The following GNAT3 variants were observed in gnomAD, a reference collection of about 807,000 sequenced individuals.
GNAT3 encodes guanine nucleotide-binding protein G(t) subunit alpha-3.
A neutral mutation model predicts 37.7 loss-of-function variants in GNAT3; 31 were observed. That is an observed-to-expected ratio of 0.82 (90% confidence interval 0.62 to 1.11). The LOEUF (loss-of-function observed/expected upper bound fraction) is 1.11, where lower values mean the gene tolerates loss of function less well. Among genes scored for constraint, GNAT3 ranks in the 50% most tolerant of loss-of-function variants. The probability of loss-of-function intolerance (pLI) is 0.00; values close to 1 mark genes in which losing one functional copy is unlikely to be tolerated. For missense variants in GNAT3, 437 were observed against 412.5 expected (o/e 1.06, Z -0.51); for synonymous variants, 138 against 139.8 (o/e 0.99, Z 0.09).
intron 1 of GNAT3, among the ~76,000 whole-genome samples, chr7:80,502,176 G>C (rs1790845334): frequency 1.3e-5 from 2 of 152,000 alleles, no homozygotes; most frequent in South Asian, 2.1e-4. Context: ...ATAGGTGACG[G>C]AGAAGTCTAC....
intron 5 of GNAT3, among the ~76,000 whole-genome samples, chr7:80,469,346 T>C (rs1790172688): frequency 9.9e-5 from 15 of 152,162 alleles, no homozygotes; most frequent in Admixed American, 9.8e-4. Flanking sequence ...GGAGAAAGTT[T>C]CTTCTCTATA....
chr7:80,497,503 C>T (rs1330044875), intron 1 of GNAT3, among the ~76,000 whole-genome samples: 1 of 151,220 alleles, frequency 6.6e-6, no homozygotes, highest in Non-Finnish European at 1.5e-5. Context: ...GTACAAATGA[C>T]AGAATATCAG....
At chr7:80,509,831 TTTTAA>T (rs1198717931) in intron 1 of GNAT3, among the ~76,000 whole-genome samples, 4 of 152,070 alleles carry the variant, frequency 2.6e-5, no homozygotes, top group African/African-American at 9.7e-5. Context: ...TTTTGAACAT[TTTTAA>T]TTTATTTTTT....
At chr7:80,495,464 TGG>T (rs1163213830) in intron 1 of GNAT3, among the ~76,000 whole-genome samples, 37 of 147,584 alleles carry the variant, frequency 2.5e-4, no homozygotes, top group African/African-American at 9.3e-4. Flanking sequence ...TTTTTTTTTT[TGG>T]TTTGTTTGTT....
At chr7:80,463,850 T>A (rs1016707630) in intron 5 of GNAT3, among the ~76,000 whole-genome samples, 2 of 147,636 alleles carry the variant, frequency 1.4e-5, no homozygotes, top group Non-Finnish European at 3.0e-5. Flanking sequence ...AACTTACACA[T>A]GTTTTCTATA....
At chr7:80,467,611 T>G (rs1790146941) in intron 5 of GNAT3, among the ~76,000 whole-genome samples, 2 of 152,078 alleles carry the variant, frequency 1.3e-5, no homozygotes, top group African/African-American at 4.8e-5. Context: ...TTACTACCTA[T>G]GAAAACAATT....
rs539041801 is a variant in GNAT3 at position 80,474,262 on chromosome 7, G to T, written c.579C>A (p.Asp193Glu). Residue 193 changes from aspartate to glutamate, a missense_variant, in exon 5 of 8, where the codon GAC (aspartate) becomes GAA (glutamate). Physicochemically the swap from Asp to Glu is conservative, Grantham distance 45. Coordinates refer to ENST00000398291, the MANE Select transcript of GNAT3 (RefSeq NM_001102386.3). ...ATATTTGATCATACCTGAAGTGCAA[G>T]TCTTTAAAGGAGAATTGAGTTTCAA... is the stretch of plus-strand genomic sequence containing the variant. Reference protein sequence around the residue: ...GIIETQFSFKDLHFRMFDVGG... With the variant: ...GIIETQFSFKELHFRMFDVGG... 6.2e-7 allele frequency: 1 copy of T among 1,603,706 alleles called. No homozygotes were observed. The highest frequency in any genetic ancestry group is 1.1e-5 in the South Asian group (1 of 89,236).
intron 3 of GNAT3, among the ~76,000 whole-genome samples, chr7:80,481,158 A>G (rs1199664137): frequency 6.6e-6 from 1 of 152,196 alleles, no homozygotes; most frequent in Non-Finnish European, 1.5e-5. Context: ...TAAAAAAAGA[A>G]AATAACTTAT....
chr7:80,500,853 A>G (rs1446283765), intron 1 of GNAT3, among the ~76,000 whole-genome samples: 3 of 152,040 alleles, frequency 2.0e-5, no homozygotes, highest in Admixed American at 1.3e-4. Flanking sequence ...AGTATTTTAA[A>G]CATGCATTGT....
At chr7:80,462,013 GA>G (rs1252862442) in intron 7 of GNAT3, 145 bp downstream of exon 7, 1 of 606,670 alleles carries the variant, frequency 1.6e-6, no homozygotes, top group Non-Finnish European at 2.8e-6. Flanking sequence ...TTATTTGTAA[GA>G]TTTTTTTTCC....
intron 5 of GNAT3, among the ~76,000 whole-genome samples, chr7:80,473,563 C>T (rs1241021320): frequency 6.6e-6 from 1 of 152,048 alleles, no homozygotes; most frequent in South Asian, 2.1e-4. Flanking sequence ...CAGCTAGAAC[C>T]TGCTATTAAT....
chr7:80,474,124 A>G (rs2116161087), intron 5 of GNAT3, 127 bp downstream of exon 5: 1 of 856,374 alleles, frequency 1.2e-6, no homozygotes, highest in East Asian at 2.8e-5. Flanking sequence ...TACTGAAGGT[A>G]AACTAGAGCT....
intron 2 of GNAT3, 37 bp downstream of exon 2, chr7:80,494,568 A>T: frequency 8.8e-7 from 1 of 1,129,960 alleles, no homozygotes. Flanking sequence ...ATGGACAGAC[A>T]TCAAATATTA....
intron 1 of GNAT3, among the ~76,000 whole-genome samples, chr7:80,503,253 TTC>T (rs1304983082): frequency 6.6e-6 from 1 of 152,212 alleles, no homozygotes; most frequent in African/African-American, 2.4e-5. Flanking sequence ...TAGATTCTGA[TTC>T]TGTCATTCTT....
chr7:80,503,646 G>A (rs1409694826), intron 1 of GNAT3, among the ~76,000 whole-genome samples: 1 of 152,108 alleles, frequency 6.6e-6, no homozygotes, highest in East Asian at 1.9e-4. Context: ...AAGGAGGATT[G>A]AAATATCAAG....
At chr7:80,474,190 G>A (rs1336489938) in intron 5 of GNAT3, 61 bp downstream of exon 5, 6 of 1,522,764 alleles carry the variant, frequency 3.9e-6, no homozygotes, top group East Asian at 2.3e-5. Context: ...TTTTCTCCAT[G>A]AGGAAATATT....
intron 1 of GNAT3, among the ~76,000 whole-genome samples, chr7:80,498,360 A>G (rs979889101): frequency 1.3e-5 from 2 of 152,126 alleles, no homozygotes; most frequent in African/African-American, 4.8e-5. Flanking sequence ...TTTAAATGAA[A>G]CTACATATTA....
At chr7:80,501,631 C>T (rs900415385) in intron 1 of GNAT3, among the ~76,000 whole-genome samples, 2 of 151,640 alleles carry the variant, frequency 1.3e-5, no homozygotes, top group African/African-American at 4.8e-5. Flanking sequence ...TTTTTAAGCT[C>T]TTTTAATTTA....
At chr7:80,493,589 TTCATCCTCCTCTTTCC>T in intron 2 of GNAT3, among the ~76,000 whole-genome samples, 1 of 149,974 alleles carries the variant, frequency 6.7e-6, no homozygotes, top group Admixed American at 6.6e-5. Flanking sequence ...CCTCCTCCTC[TTCATCCTCCTCTTTCC>T]TCCTCCTCCT....
Sources: gnomAD v4.1 joint callset for allele counts (sites outside exome capture counted in the v4.1 genomes callset) on GRCh38, gnomAD v4.1.1 for gene constraint, MANE v1.5 for transcripts, NCBI Gene and HGNC (gene_info 2026-07-23, HGNC 2026-07-21) for gene names.